The following KAZN variants were observed in gnomAD, a reference collection of about 807,000 sequenced individuals.
KAZN encodes the protein kazrin.
In KAZN, 40 loss-of-function variants were observed where a neutral mutation model predicts 87.4. The observed-to-expected ratio is 0.46, with a 90% confidence interval of 0.36 to 0.60. The LOEUF (loss-of-function observed/expected upper bound fraction) is 0.60. Ranked by LOEUF, KAZN falls within the 20% of genes least tolerant of loss-of-function variation. The pLI, the probability that KAZN is intolerant of heterozygous loss-of-function variation, is 0.00. For synonymous variants in KAZN, 466 were observed against 458.3 expected, an observed-to-expected ratio of 1.02 and a Z score of -0.22; for missense variants, 898 against 1,073.9, an observed-to-expected ratio of 0.84 and a Z score of 2.29.
At chr1:14,845,848 G>T (rs758451796) in intron 1 of KAZN, among the ~76,000 whole-genome samples, 2 of 152,016 alleles carry the variant, frequency 1.3e-5, no homozygotes, top group African/African-American at 4.8e-5. Flanking sequence ...GTCAGACCTC[G>T]AGGCAAGTCG....
chr1:14,746,747 G>A (rs1490501052), intron 1 of KAZN, among the ~76,000 whole-genome samples: 1 of 152,160 alleles, frequency 6.6e-6, no homozygotes, highest in African/African-American at 2.4e-5. Flanking sequence ...GGAAAGTGGG[G>A]TGCCATGAGT....
rs1658807136 is a variant in KAZN, at chr1:14,923,708, A to G, written c.227-36976A>G. ...AGAGGATGGCCGGTCACACGCAAAGATGAGCGAAGGAAAGGTCCCGGGGCT... is the reference window on the plus strand; with the variant it reads ...AGAGGATGGCCGGTCACACGCAAAGGTGAGCGAAGGAAAGGTCCCGGGGCT... On this transcript the variant is annotated intron_variant, in intron 1 of 14. Transcript: ENST00000376030. This position sits in a 1 kb window ranked among gnomAD's most constrained non-coding sequence, Gnocchi z 4.2. Among the ~76,000 whole-genome samples the G allele has an allele frequency of 1.3e-5, 2 of 152,162 alleles. No individual in the cohort carries two copies. The highest frequency in any genetic ancestry group is 1.3e-4 in the Admixed American group (2 of 15,286).
chr1:14,056,134 T>G (rs1642545075), intron 1 of KAZN, among the ~76,000 whole-genome samples: 1 of 152,224 alleles, frequency 6.6e-6, no homozygotes, highest in Admixed American at 6.5e-5. Context: ...CTCAGCTTTG[T>G]GCCAGGCCTT....
At chr1:13,910,296 C>G (rs555914728) in intron 1 of KAZN, among the ~76,000 whole-genome samples, 1 of 152,200 alleles carries the variant, frequency 6.6e-6, no homozygotes, top group East Asian at 1.9e-4. Context: ...ATCACGAGGT[C>G]AGGAGATCGA....
At chr1:14,641,295 C>T (rs1226710407) in intron 1 of KAZN, among the ~76,000 whole-genome samples, 1 of 152,168 alleles carries the variant, frequency 6.6e-6, no homozygotes, top group Non-Finnish European at 1.5e-5. Context: ...GTTTAGCTCC[C>T]ATGGTCTACA....
chr1:14,758,691 T>C (rs1351643617), intron 1 of KAZN, among the ~76,000 whole-genome samples: 3 of 152,102 alleles, frequency 2.0e-5, no homozygotes, highest in Non-Finnish European at 4.4e-5. Context: ...TTGGATGAGC[T>C]TGGGGTGTTG....
At chr1:14,038,302 A>G (rs1487494340) in intron 1 of KAZN, among the ~76,000 whole-genome samples, 2 of 152,180 alleles carry the variant, frequency 1.3e-5, no homozygotes, top group African/African-American at 4.8e-5. Context: ...GTGAGGTCAG[A>G]CATCATTGAG....
At chr1:15,053,069 T>C (rs1466314587) in intron 4 of KAZN, among the ~76,000 whole-genome samples, 2 of 152,166 alleles carry the variant, frequency 1.3e-5, no homozygotes, top group African/African-American at 2.4e-5. Context: ...GAGGGGGAGC[T>C]GAGGGTTCAT....
chr1:14,582,864 C>T (rs1675636456), intron 2 of KAZN, among the ~76,000 whole-genome samples: 1 of 152,120 alleles, frequency 6.6e-6, no homozygotes, highest in African/African-American at 2.4e-5. Flanking sequence ...CTTAAAGGGG[C>T]ACAGAATCAA....
chr1:15,114,325 G>A (rs1641763714), intron 14 of KAZN, 146 bp from the exon 15 acceptor site: 1 of 671,670 alleles, frequency 1.5e-6, no homozygotes, highest in African/African-American at 1.8e-5. Context: ...TGAGCAGGGA[G>A]TATTATTACT....
chr1:15,007,925 C>G (rs1394127193), intron 2 of KAZN, among the ~76,000 whole-genome samples: 1 of 152,196 alleles, frequency 6.6e-6, no homozygotes, highest in Non-Finnish European at 1.5e-5. Flanking sequence ...AGGAAGGGAG[C>G]CGTGCCGTCA....
At chr1:14,565,968 A>C (rs1674525607) in intron 2 of KAZN, among the ~76,000 whole-genome samples, 1 of 152,100 alleles carries the variant, frequency 6.6e-6, no homozygotes, top group East Asian at 1.9e-4. Flanking sequence ...GCTTCTTCCA[A>C]ACTCCTTTTA....
chr1:14,218,111 T>C lies in KAZN; in HGVS notation c.249+37519T>C, dbSNP rs1646998379. 2.0e-5 allele frequency among the ~76,000 whole-genome samples: 3 copies of C among 152,134 alleles called. No individual in the cohort carries two copies. In the South Asian group the frequency reaches 6.2e-4, roughly 31 times the overall value. On this transcript the variant is annotated intron_variant, in intron 2 of 16. Transcript: ENST00000636203. ...GCTATATATATTTATAGTAGAAGAA[T>C]TGCTAATGCTGAGTCTGTTTCATAT... is the stretch of plus-strand genomic sequence containing the variant.
intron 2 of KAZN, among the ~76,000 whole-genome samples, chr1:14,443,266 C>T (rs565143376): frequency 2.2e-3 from 333 of 152,336 alleles, no homozygotes; most frequent in Non-Finnish European, 3.6e-3. Flanking sequence ...AAGAACAGCT[C>T]CCCAAGGGAT....
chr1:14,797,446 G>A (rs1243507806), intron 1 of KAZN, among the ~76,000 whole-genome samples: 1 of 152,194 alleles, frequency 6.6e-6, no homozygotes, highest in East Asian at 1.9e-4. Context: ...AGCCGTTCCA[G>A]GAGATGAGAG....
chr1:15,008,108 G>C (rs112097354), intron 2 of KAZN, among the ~76,000 whole-genome samples: 11 of 152,284 alleles, frequency 7.2e-5, no homozygotes, highest in Non-Finnish European at 1.3e-4. Context: ...TCTTGAACTC[G>C]TGGCCTGCGG....
intron 1 of KAZN, among the ~76,000 whole-genome samples, chr1:14,074,123 G>C (rs6696641): frequency 5.1e-4 from 78 of 152,272 alleles, no homozygotes; most frequent in African/African-American, 1.8e-3. Flanking sequence ...GTCTAAATAT[G>C]TGAGAATTAC....
intron 10 of KAZN, 110 bp downstream of exon 10, chr1:15,095,043 G>A: frequency 1.4e-6 from 1 of 738,406 alleles, no homozygotes; most frequent in Non-Finnish European, 2.3e-6. Flanking sequence ...GGTGGTGGGG[G>A]ACAGCAGGGT....
In KAZN at chr1:14,887,759, G is replaced by C. The variant is rs187724455; in HGVS notation, c.227-72925G>C. Among the ~76,000 whole-genome samples, 405 of 151,560 alleles carry C rather than the reference G, an allele frequency of 2.7e-3. 3 individuals are homozygous for C. Among genetic ancestry groups the C allele is most frequent in the African/African-American group, 9.1e-3 (376 of 41,276 alleles). On this transcript the variant is annotated intron_variant, in intron 1 of 14. Coordinates refer to ENST00000376030, the MANE Select transcript of KAZN (RefSeq NM_201628.3). ...TTGATCACTTTTTTCCTTGCTCTCG[G>C]TAATGAGCTTTCGGGCCTAATTAGA...
Sources: gnomAD v4.1 joint callset for allele counts (sites outside exome capture counted in the v4.1 genomes callset) on GRCh38, gnomAD v4.1.1 for gene constraint, Gnocchi (gnomAD v3.1) non-coding constraint, MANE v1.5 for transcripts, NCBI Gene and HGNC (gene_info 2026-07-23, HGNC 2026-07-21) for gene names.